CPNE2: variants seen among roughly 807,000 people sequenced by gnomAD.
CPNE2 encodes the protein copine 2, also known as copine-2.
Under a neutral mutation model 69.7 loss-of-function variants are expected in CPNE2, and 42 were observed. The ratio of observed to expected loss-of-function variants is 0.60; its 90% CI spans 0.47 to 0.78. The LOEUF is 0.78. CPNE2 is among the 30% of genes least tolerant of loss of function. The pLI, the probability that CPNE2 is intolerant of heterozygous loss-of-function variation, is 0.00. For missense variants in CPNE2, 587 were observed against 732.0 expected (o/e 0.80, Z 2.29); for synonymous variants, 294 against 289.8 (o/e 1.01, Z -0.15).
At chr16:57,108,429 C>T (rs1366326604) in intron 1 of CPNE2, among the ~76,000 whole-genome samples, 1 of 152,232 alleles carries the variant, frequency 6.6e-6, no homozygotes, top group Non-Finnish European at 1.5e-5. Context: ...TACTTCCCTC[C>T]ACTGGAGAAG....
chr16:57,138,983 G>C (rs1248746488), intron 14 of CPNE2, among the ~76,000 whole-genome samples: 1 of 152,206 alleles, frequency 6.6e-6, no homozygotes, highest in African/African-American at 2.4e-5. Flanking sequence ...CTGCCCAGTG[G>C]GTTCACCTTG....
At chr16:57,117,648 C>T (rs1245120507) in intron 5 of CPNE2, 81 bp downstream of exon 5, 3 of 1,473,576 alleles carry the variant, frequency 2.0e-6, no homozygotes, top group Non-Finnish European at 2.8e-6. Flanking sequence ...ATTCCGGGAC[C>T]TCGGGCCACC....
intron 13 of CPNE2, among the ~76,000 whole-genome samples, chr16:57,135,029 C>T (rs2069868526): frequency 1.3e-5 from 2 of 152,194 alleles, no homozygotes; most frequent in South Asian, 4.1e-4. Flanking sequence ...CCCTTCCTAG[C>T]TGTGGGACCT....
chr16:57,099,659 G>A (rs1277966059), intron 1 of CPNE2, among the ~76,000 whole-genome samples: 2 of 151,608 alleles, frequency 1.3e-5, no homozygotes, highest in African/African-American at 4.9e-5. Context: ...GTGCAGTGGC[G>A]CGATCTCAGC....
At chr16:57,093,276 C>G (rs1320794199) in intron 1 of CPNE2, among the ~76,000 whole-genome samples, 4 of 151,956 alleles carry the variant, frequency 2.6e-5, no homozygotes, top group Non-Finnish European at 5.9e-5. Flanking sequence ...CTCCCAGCCC[C>G]GGTACTGGGA....
intron 4 of CPNE2, among the ~76,000 whole-genome samples, chr16:57,117,074 G>A (rs1460180953): frequency 2.0e-5 from 3 of 152,112 alleles, no homozygotes; most frequent in Non-Finnish European, 2.9e-5. Flanking sequence ...TTCCCTAGCT[G>A]TACAATGAAG....
At position 57,115,572 on chromosome 16, in the gene CPNE2, TCCG is replaced by T. The variant is rs1458238704; in HGVS notation, c.435+24_435+26del. On this transcript the variant is annotated intron_variant, in intron 4 of 15. Transcript: ENST00000290776. The stretch of plus-strand genomic sequence containing the variant: ...TACGGTACCAGTCCCCTCCCGGCTC[TCCG>T]CACCCCCTCCATCCCCACCCCACAC... 3 of 1,579,462 alleles carry T rather than the reference TCCG, an allele frequency of 1.9e-6. No individual in the cohort carries two copies. In the Admixed American group the frequency reaches 5.1e-5, roughly 27 times the overall value.
At chr16:57,138,550 C>T (rs561792728) in intron 14 of CPNE2, among the ~76,000 whole-genome samples, 14 of 152,156 alleles carry the variant, frequency 9.2e-5, no homozygotes, top group South Asian at 2.1e-4. Context: ...CCTAACCCCC[C>T]GTGTGTTCCT....
chr16:57,137,095 A>C (rs1169595141), intron 13 of CPNE2, 54 bp from the exon 14 acceptor site: 2 of 1,595,324 alleles, frequency 1.3e-6, no homozygotes, highest in African/African-American at 2.7e-5. Context: ...GTGAGATGAG[A>C]GTGGGTATGG....
At chr16:57,145,633 C>T (rs1447755349) in intron 14 of CPNE2, 2 of 209,880 alleles carry the variant, frequency 9.5e-6, no homozygotes, top group South Asian at 1.3e-4. Context: ...TCCCCCTGCG[C>T]CAGCCGTGGG....
In CPNE2 at chr16:57,112,421, C is replaced by T. The variant is rs79071378; in HGVS notation, c.181-867C>T. On this transcript the variant is annotated intron_variant, in intron 2 of 15. Transcript: ENST00000290776. ...CTGACTCATAGCACAATCCCCCACC[C>T]TCCCTGACAACCTCTGCCCCCACCC... 9.3e-3 allele frequency among the ~76,000 whole-genome samples: 1,410 copies of T among 152,216 alleles called. 6 individuals are homozygous for T. The highest frequency in any genetic ancestry group is 0.013 in the Non-Finnish European group (900 of 67,990).
rs1454349476 is a variant in CPNE2, at chr16:57,146,768, T to C, written c.1539+447T>C. 2 of 171,528 alleles carry C rather than the reference T, an allele frequency of 1.2e-5. No individual in the cohort carries two copies. The highest frequency in any genetic ancestry group is 1.3e-5 in the Non-Finnish European group (1 of 79,118). The allele number at this position is 171,528 out of a possible 1,614,324, so 10.6% of individuals were successfully genotyped here. A position where few individuals can be genotyped will look rare whatever the true frequency, so the allele number is the denominator to read the frequency against. On this transcript the variant is annotated intron_variant, in intron 15 of 15. Coordinates refer to ENST00000290776, the MANE Select transcript of CPNE2 (RefSeq NM_152727.6). This position sits in a 1 kb window ranked among gnomAD's most constrained non-coding sequence, Gnocchi z 4.4. Reference sequence around the variant, plus strand: ...GGTTGACCTCCTCTCCCTAAAGCCCTCTGCCTGGGAGAATGGTGTCCCCAG... The same window carrying C: ...GGTTGACCTCCTCTCCCTAAAGCCCCCTGCCTGGGAGAATGGTGTCCCCAG...
At chr16:57,113,975 G>A (rs1203887486) in intron 3 of CPNE2, among the ~76,000 whole-genome samples, 1 of 152,172 alleles carries the variant, frequency 6.6e-6, no homozygotes, top group Admixed American at 6.5e-5. Context: ...CCCCCTCTGG[G>A]CCTCAGTTTC....
rs1329271940 is a variant in CPNE2, at chr16:57,110,787, C to A, written c.45C>A (p.Ala15=). The change falls in exon 2 of 16, where the codon GCC becomes GCA. Residue 15 remains alanine, a synonymous_variant. Transcript: ENST00000290776. ...GGGGTGCCCCAGCAGCGGGGGCAGCCCCCATGGGCCCCCAGTATTGCGTGT... is the reference window on the plus strand; with the variant it reads ...GGGGTGCCCCAGCAGCGGGGGCAGCACCCATGGGCCCCCAGTATTGCGTGT... ...PSGGAPAAGA[A]PMGPQYCVCK... is the part of the protein sequence containing the mutation. 6.2e-7 allele frequency: 1 copy of A among 1,613,522 alleles called. No individual in the cohort carries two copies. The highest frequency in any genetic ancestry group is 1.1e-5 in the South Asian group (1 of 91,024).
chr16:57,124,377 T>C, intron 10 of CPNE2: 1 of 456,432 alleles, frequency 2.2e-6, no homozygotes, highest in East Asian at 7.0e-5. Flanking sequence ...TCACTGGGCC[T>C]GGCCCTCACT....
intron 7 of CPNE2, 21 bp downstream of exon 7, chr16:57,119,671 C>T (rs776315372): frequency 2.8e-5 from 44 of 1,546,980 alleles, no homozygotes; most frequent in Non-Finnish European, 3.6e-5. Flanking sequence ...TCTGGGGACC[C>T]TGCTCCCCAC....
At chr16:57,138,203 C>G (rs138357683) in intron 14 of CPNE2, among the ~76,000 whole-genome samples, 3 of 152,292 alleles carry the variant, frequency 2.0e-5, no homozygotes, top group African/African-American at 7.2e-5. Flanking sequence ...CTCGGCCAGC[C>G]CCCACCCCTT....
At chr16:57,134,848 A>T (rs912497611) in intron 13 of CPNE2, 22 bp downstream of exon 13, 10 of 1,613,316 alleles carry the variant, frequency 6.2e-6, no homozygotes, top group Non-Finnish European at 8.5e-6. Context: ...ACCCACCTGC[A>T]GCTGCCCTGT....
At chr16:57,123,265 G>A in intron 9 of CPNE2, 149 bp from the exon 10 acceptor site, 1 of 762,156 alleles carries the variant, frequency 1.3e-6, no homozygotes, top group South Asian at 1.5e-5. Flanking sequence ...GTTATAGAGA[G>A]ATTTGGGTTT....
Sources: allele counts gnomAD v4.1 joint callset (sites outside exome capture counted in the v4.1 genomes callset), GRCh38; gene constraint gnomAD v4.1.1; non-coding constraint Gnocchi (gnomAD v3.1); transcripts MANE v1.5; gene names NCBI Gene and HGNC (gene_info 2026-07-23, HGNC 2026-07-21).